DACH2: variants seen among roughly 807,000 people sequenced by gnomAD.
The protein encoded by DACH2 is dachshund family transcription factor 2.
Under a neutral mutation model 35.8 loss-of-function variants are expected in DACH2, and 17 were observed. That is an observed-to-expected ratio of 0.48 (90% CI 0.33 to 0.71). The LOEUF (loss-of-function observed/expected upper bound fraction) is 0.71, where lower values mean the gene tolerates loss of function less well. Ranked by LOEUF, DACH2 falls within the 30% of genes least tolerant of loss-of-function variation. The pLI, the probability that DACH2 is intolerant of heterozygous loss-of-function variation, is 0.02. For synonymous variants in DACH2, 195 were observed against 177.3 expected, an observed-to-expected ratio of 1.10 and a Z score of -0.79; for missense variants, 469 against 472.7, an observed-to-expected ratio of 0.99 and a Z score of 0.07.
At chrX:86,176,329 C>A (rs986696112) in intron 1 of DACH2, among the ~76,000 whole-genome samples, 2 of 110,613 alleles carry the variant, frequency 1.8e-5, no homozygotes, top group Non-Finnish European at 3.8e-5. Context: ...GAGTAGGATG[C>A]ACCAAATTAA....
chrX:86,571,787 A>G lies in DACH2; in HGVS notation c.640+57396A>G, dbSNP rs764221204. Among the ~76,000 whole-genome samples, 5 of 110,833 alleles carry G rather than the reference A, an allele frequency of 4.5e-5. No homozygotes were observed. The South Asian group carries it at 1.9e-3, about 42-fold the overall frequency. Reference sequence around the variant, plus strand: ...TAAAGTAATTAATTTCTTCTAACAAAGCTTACTAAGAGGATGTGATTGGAA... The same window carrying G: ...TAAAGTAATTAATTTCTTCTAACAAGGCTTACTAAGAGGATGTGATTGGAA... On this transcript the variant is annotated intron_variant, in intron 3 of 11. Transcript: ENST00000373125.
chrX:86,721,961 A>G (rs1335532132), intron 6 of DACH2, among the ~76,000 whole-genome samples: 1 of 110,986 alleles, frequency 9.0e-6, no homozygotes. Flanking sequence ...CACCCCCATG[A>G]TTTGATTACC....
intron 3 of DACH2, among the ~76,000 whole-genome samples, chrX:86,543,950 C>A (rs2038923500): frequency 9.1e-6 from 1 of 109,370 alleles, no homozygotes; most frequent in Admixed American, 9.8e-5. Context: ...CTAACCTGCA[C>A]ATTGTGCACA....
chrX:86,153,049 TTACC>T (rs2030420464), intron 1 of DACH2, among the ~76,000 whole-genome samples: 1 of 111,780 alleles, frequency 8.9e-6, no homozygotes, highest in South Asian at 3.6e-4. Flanking sequence ...GTTTCTCTTT[TTACC>T]TACCTATCAA....
intron 2 of DACH2, among the ~76,000 whole-genome samples, chrX:86,505,294 A>G (rs2038306973): frequency 8.9e-6 from 1 of 112,190 alleles, no homozygotes; most frequent in Non-Finnish European, 1.9e-5. Context: ...TAAAATACAC[A>G]TAACATAAAA....
At chrX:86,604,892 C>T (rs1178534103) in intron 3 of DACH2, among the ~76,000 whole-genome samples, 6 of 111,443 alleles carry the variant, frequency 5.4e-5, no homozygotes, top group Non-Finnish European at 9.5e-5. Flanking sequence ...TGTAGGAGCC[C>T]GTCTGTGAGG....
chrX:86,667,898 A>G (rs2040718519), intron 4 of DACH2, among the ~76,000 whole-genome samples: 2 of 112,235 alleles, frequency 1.8e-5, no homozygotes, highest in African/African-American at 3.2e-5. Flanking sequence ...AATTGTAAGT[A>G]AATAAAGTGA....
At chrX:86,431,448 G>T (rs1206937353) in intron 2 of DACH2, among the ~76,000 whole-genome samples, 1 of 111,855 alleles carries the variant, frequency 8.9e-6, no homozygotes, top group African/African-American at 3.2e-5. Flanking sequence ...GTAGTCAGCA[G>T]TTATAGAGAA....
intron 1 of DACH2, chrX:86,161,477 A>G (rs184359284): frequency 2.7e-6 from 1 of 367,519 alleles, no homozygotes; most frequent in Admixed American, 4.9e-5. Flanking sequence ...ATCTTCCTTC[A>G]GTTAAATAAA....
chrX:86,407,308 A>G (rs141291931), intron 2 of DACH2, among the ~76,000 whole-genome samples: 280 of 112,130 alleles, frequency 2.5e-3, no homozygotes, highest in Middle Eastern at 4.6e-3. Context: ...TATTTATAGA[A>G]AAGGATACTA....
intron 6 of DACH2, among the ~76,000 whole-genome samples, chrX:86,719,810 G>A (rs757291844): frequency 9.1e-6 from 1 of 110,451 alleles, no homozygotes; most frequent in African/African-American, 3.3e-5. Flanking sequence ...TGAGATTTGG[G>A]TGGGGACACA....
chrX:86,168,296 T>G (rs2031010071), intron 1 of DACH2, among the ~76,000 whole-genome samples: 1 of 111,681 alleles, frequency 9.0e-6, no homozygotes, highest in African/African-American at 3.2e-5. Context: ...GTGACCTTCC[T>G]TGTCTCTTTT....
intron 1 of DACH2, among the ~76,000 whole-genome samples, chrX:86,234,539 T>C (rs2033016175): frequency 9.0e-6 from 1 of 111,417 alleles, no homozygotes; most frequent in South Asian, 3.8e-4. Flanking sequence ...GCTTCCCCTA[T>C]TGTTACCATC....
chrX:86,303,825 G>A (rs1379906967), intron 1 of DACH2, among the ~76,000 whole-genome samples: 1 of 110,309 alleles, frequency 9.1e-6, no homozygotes, highest in Admixed American at 9.8e-5. Context: ...TATTCAAAGC[G>A]ATCTACAGAT....
rs200833442 is a variant in DACH2, at chrX:86,256,011, GCAC to G, written c.488+106907_488+106909del. Reference sequence around the variant, plus strand: ...AGATTATTGACAAAGGTGGAAATGAGCACCACATTTTTCTTTCTTTCCATCTAG... The same window carrying G: ...AGATTATTGACAAAGGTGGAAATGAGCACATTTTTCTTTCTTTCCATCTAG... On this transcript the variant is annotated intron_variant, in intron 1 of 11. Transcript: ENST00000373125. 6.3e-5 allele frequency among the ~76,000 whole-genome samples: 7 copies of G among 111,177 alleles called. No homozygotes were observed. The East Asian group carries it at 1.7e-3, about 27-fold the overall frequency.
chrX:86,227,416 T>C (rs138803940), intron 1 of DACH2, among the ~76,000 whole-genome samples: 2,351 of 111,270 alleles, frequency 0.021, 27 homozygotes, highest in Non-Finnish European at 0.032. Context: ...TACAAAATTT[T>C]CTTTATTTTG....
chrX:86,450,850 T>A (rs2037364001), intron 2 of DACH2, among the ~76,000 whole-genome samples: 1 of 111,723 alleles, frequency 9.0e-6, no homozygotes, highest in East Asian at 2.8e-4. Context: ...AATATGTTTG[T>A]TGGCCATATG....
At chrX:86,553,564 A>G (rs1408018093) in intron 3 of DACH2, among the ~76,000 whole-genome samples, 1 of 112,082 alleles carries the variant, frequency 8.9e-6, no homozygotes, top group Non-Finnish European at 1.9e-5. Flanking sequence ...ACCCATACAC[A>G]TAATCCTGAA....
chrX:86,433,900 A>C, intron 2 of DACH2, among the ~76,000 whole-genome samples: 1 of 111,852 alleles, frequency 8.9e-6, no homozygotes, highest in South Asian at 3.7e-4. Context: ...AATGCCAAAC[A>C]TTATCATGCA....
Sources: gnomAD v4.1 joint callset for allele counts (sites outside exome capture counted in the v4.1 genomes callset) on GRCh38, gnomAD v4.1.1 for gene constraint, MANE v1.5 for transcripts, NCBI Gene and HGNC (gene_info 2026-07-23, HGNC 2026-07-21) for gene names.